Variants in KLF11 observed in about 807,000 individuals in gnomAD.
The protein encoded by KLF11 is KLF transcription factor 11.
KLF11 carries 26 observed loss-of-function variants against 29.9 expected under a neutral mutation model. The observed-to-expected ratio is 0.87, with a 90% CI of 0.64 to 1.21. The LOEUF is 1.21. Ranked by LOEUF, KLF11 falls within the 50% of genes most tolerant of loss-of-function variation. KLF11 has a pLI of 0.00. For missense variants in KLF11, 778 were observed against 665.7 expected, an observed-to-expected ratio of 1.17 and a Z score of -1.86; for synonymous variants, 318 against 257.4, an observed-to-expected ratio of 1.24 and a Z score of -2.25.
chr2:10,052,224 C>T lies in KLF11; in HGVS notation c.1259-3C>T, dbSNP rs201467470. ...CTTTAATATGTATTTTCTCACCTCA[C>T]AGGGGAGAAGCCTTTCAACTGCAGC... On this transcript the variant is annotated splice_region_variant and splice_polypyrimidine_tract_variant and intron_variant, in intron 3 of 3. Coordinates refer to ENST00000305883, the MANE Select transcript of KLF11 (RefSeq NM_003597.5). The T allele has an allele frequency of 3.1e-6, 5 of 1,613,790 alleles. No individual in the cohort carries two copies. Among genetic ancestry groups the T allele is most frequent in the South Asian group, 2.2e-5 (2 of 91,078 alleles).
chr2:10,043,942 G>C, intron 1 of KLF11, 184 bp downstream of exon 1: 2 of 992,582 alleles, frequency 2.0e-6, no homozygotes, highest in South Asian at 9.5e-5. Context: ...CGACGGGCGC[G>C]CCCGGGTCGG....
intron 1 of KLF11, 66 bp downstream of exon 1, chr2:10,043,824 G>C: frequency 7.7e-7 from 1 of 1,300,752 alleles, no homozygotes; most frequent in Non-Finnish European, 1.0e-6. Flanking sequence ...GGGAAGTGGT[G>C]CGGCACTCGC....
In KLF11 at chr2:10,045,795, C is replaced by T. The variant is rs148388504; in HGVS notation, c.43-355C>T. On this transcript the variant is annotated intron_variant, in intron 1 of 3. Coordinates refer to ENST00000305883, the MANE Select transcript of KLF11 (RefSeq NM_003597.5). Reference sequence around the variant, plus strand: ...TAGATGGCCTCAGTGTTGGCTCCTCCTCCCTGGGCAGCTGCTCCTCCTCCC... The same window carrying T: ...TAGATGGCCTCAGTGTTGGCTCCTCTTCCCTGGGCAGCTGCTCCTCCTCCC... Among the ~76,000 whole-genome samples, 1,064 of 152,376 alleles carry T rather than the reference C, an allele frequency of 7.0e-3. 2 individuals are homozygous for T. Among genetic ancestry groups the T allele is most frequent in the Non-Finnish European group, 0.011 (732 of 68,030 alleles).
At chr2:10,049,613 C>T (rs1259620960) in intron 3 of KLF11, among the ~76,000 whole-genome samples, 4 of 152,240 alleles carry the variant, frequency 2.6e-5, no homozygotes, top group Non-Finnish European at 5.9e-5. Context: ...TTCCACCCTT[C>T]CCTCTTGGCC....
At chr2:10,049,614 C>T (rs1000871285) in intron 3 of KLF11, among the ~76,000 whole-genome samples, 6 of 152,200 alleles carry the variant, frequency 3.9e-5, no homozygotes, top group African/African-American at 9.7e-5. Flanking sequence ...TCCACCCTTC[C>T]CTCTTGGCCC....
At chr2:10,045,485 T>G (rs1661164584) in intron 1 of KLF11, among the ~76,000 whole-genome samples, 1 of 151,544 alleles carries the variant, frequency 6.6e-6, no homozygotes, top group Non-Finnish European at 1.5e-5. Context: ...CAACTGAGAC[T>G]CCATCTCAAA....
In KLF11 at chr2:10,043,621, TGCCGCCGCC is replaced by T. The variant is rs372827624; in HGVS notation, c.-86_-78del. ...CGTGCCGGCCGCAGGAGCTCCGGGT[TGCCGCCGCC>T]GCCGCCGCCCGCAGCCCACGTGCGG... On this transcript the variant is annotated 5_prime_UTR_variant, in exon 1 of 4. Coordinates refer to ENST00000305883, the MANE Select transcript of KLF11 (RefSeq NM_003597.5). 5 of 867,586 alleles carry T rather than the reference TGCCGCCGCC, an allele frequency of 5.8e-6. No homozygotes were observed. Among genetic ancestry groups the T allele is most frequent in the Non-Finnish European group, 7.0e-6 (5 of 717,758 alleles). 53.7% of individuals were successfully genotyped at this position (867,586 alleles called of 1,614,324 possible). A position where few individuals can be genotyped will look rare whatever the true frequency, so the allele number is the denominator to read the frequency against.
chr2:10,051,150 C>G (rs1443629160), intron 3 of KLF11, among the ~76,000 whole-genome samples: 1 of 151,704 alleles, frequency 6.6e-6, no homozygotes, highest in African/African-American at 2.4e-5. Flanking sequence ...CCTCATGATC[C>G]GTCTGTCTCA....
chr2:10,053,218 C>T lies in KLF11; in HGVS notation c.*711C>T, dbSNP rs544013658. On this transcript the variant is annotated 3_prime_UTR_variant, in exon 4 of 4. Transcript: ENST00000305883. ...CTAGTGAGCTGTGTCCATGGTGTGT[C>T]ATGAAGGATGTACCCCAGAGAGTAA... 1.3e-5 allele frequency: 5 copies of T among 398,984 alleles called. No individual in the cohort carries two copies. In the South Asian group the frequency reaches 5.1e-4, roughly 41 times the overall value. The allele number at this position is 398,984 out of a possible 1,614,324, so 24.7% of individuals were successfully genotyped here. A position where few individuals can be genotyped will look rare whatever the true frequency, so the allele number is the denominator to read the frequency against.
At chr2:10,050,702 C>T (rs1443465139) in intron 3 of KLF11, among the ~76,000 whole-genome samples, 32 of 151,686 alleles carry the variant, frequency 2.1e-4, no homozygotes, top group African/African-American at 2.4e-5. Flanking sequence ...AGTGAGACTC[C>T]GTCTCAAAAA....
At chr2:10,049,213 G>A (rs1407400389) in intron 3 of KLF11, among the ~76,000 whole-genome samples, 1 of 152,186 alleles carries the variant, frequency 6.6e-6, no homozygotes, top group Non-Finnish European at 1.5e-5. Flanking sequence ...GTAGCCACTG[G>A]CTGCTCACAC....
intron 1 of KLF11, 51 bp from the exon 2 acceptor site, chr2:10,046,099 G>GC (rs1211621045): frequency 1.1e-5 from 17 of 1,610,882 alleles, no homozygotes; most frequent in African/African-American, 5.3e-5. Context: ...ATCATGGGTG[G>GC]CCTCTGTATT....
Position 10,048,215 on chromosome 2 carries a change from C to T in KLF11, c.878C>T (p.Thr293Ile), listed in dbSNP as rs775612932. 1 of 1,614,092 alleles carries T rather than the reference C, an allele frequency of 6.2e-7. No homozygotes were observed. The highest frequency in any genetic ancestry group is 8.5e-7 in the Non-Finnish European group (1 of 1,180,038). The change falls in exon 3 of 4, where the codon ACT becomes ATT. Residue 293 changes from threonine (T) to isoleucine (I), a missense_variant. Thr to Ile is a moderately conservative substitution (Grantham distance 89). Coordinates refer to ENST00000305883, the MANE Select transcript of KLF11 (RefSeq NM_003597.5). ...GTCCTTTGCCAGATGATCCCTGTGA[C>T]TGGACAAAGTAGCATGTTACCAGCT... ...PPVLCQMIPVTGQSSMLPAFL... is the reference protein window; with the variant it reads ...PPVLCQMIPVIGQSSMLPAFL...
chr2:10,052,721 TTGG>T lies in KLF11; in HGVS notation c.*216_*218del. On this transcript the variant is annotated 3_prime_UTR_variant, in exon 4 of 4. Coordinates refer to ENST00000305883, the MANE Select transcript of KLF11 (RefSeq NM_003597.5). The stretch of plus-strand genomic sequence containing the variant: ...TTGTAGTTTCAGAAGTTTTTTTGTT[TTGG>T]TTTTTTTTTTAAAGAAATGGTAGAA... 2 of 432,884 alleles carry T rather than the reference TTGG, an allele frequency of 4.6e-6. No homozygotes were observed. The highest frequency in any genetic ancestry group is 3.6e-5 in the East Asian group (1 of 27,774). The allele number at this position is 432,884 out of a possible 1,614,324, so 26.8% of individuals were successfully genotyped here.
At position 10,048,248 on chromosome 2, in the gene KLF11, A is replaced by G. The variant is rs769770922; in HGVS notation, c.911A>G (p.Lys304Arg). 4 of 1,612,106 alleles carry G rather than the reference A, an allele frequency of 2.5e-6. No homozygotes were observed. The highest frequency in any genetic ancestry group is 3.4e-6 in the Non-Finnish European group (4 of 1,178,680). ...GQSSMLPAFL[K>R]PPPQLSVGTV... ...AGTAGCATGTTACCAGCTTTTTTGA[A>G]GCCCCCTCCCCAGTTGTCTGTGGGG... The change falls in exon 3 of 4, where the codon AAG (lysine) becomes AGG (arginine). Residue 304 changes from lysine to arginine, a missense_variant. Lys to Arg is a conservative substitution (Grantham distance 26, BLOSUM62 2). Transcript: ENST00000305883.
chr2:10,046,312 A>G lies in KLF11; in HGVS notation c.205A>G (p.Ile69Val), dbSNP rs1440218281. The G allele has an allele frequency of 5.0e-6, 8 of 1,614,198 alleles. No individual in the cohort carries two copies. Among genetic ancestry groups the G allele is most frequent in the Non-Finnish European group, 6.8e-6 (8 of 1,180,036 alleles). ...QRSQKGDLLR[I>V]RPLTPVSDSG... ...ATCCCAGAAAGGTGACCTGTTGCGG[A>G]TAAGACCCCTCACGCCTGTCTCTGA... Residue 69 changes from isoleucine (I) to valine (V), a missense_variant, in exon 2 of 4, where the codon ATA becomes GTA. Coordinates refer to ENST00000305883, the MANE Select transcript of KLF11 (RefSeq NM_003597.5).
intron 3 of KLF11, among the ~76,000 whole-genome samples, chr2:10,048,908 C>CTTTTTTTTTTTT: frequency 8.2e-6 from 1 of 121,662 alleles, no homozygotes; most frequent in Non-Finnish European, 1.6e-5. Flanking sequence ...ACGTTTCATC[C>CTTTTTTTTTTTT]TTTTTTTTTT....
Position 10,053,581 on chromosome 2 carries a change from AT to A in KLF11, c.*1075del. On this transcript the variant is annotated 3_prime_UTR_variant, in exon 4 of 4. Coordinates refer to ENST00000305883, the MANE Select transcript of KLF11 (RefSeq NM_003597.5). ...AGATTCCGCTTCCTTTGTTTGCCAAATACTAGAAACACAAGGAAATGCAAGT... is the reference window on the plus strand; with the variant it reads ...AGATTCCGCTTCCTTTGTTTGCCAAAACTAGAAACACAAGGAAATGCAAGT... 1 of 397,400 alleles carries A rather than the reference AT, an allele frequency of 2.5e-6. No homozygotes were observed. Among genetic ancestry groups the A allele is most frequent in the Non-Finnish European group, 4.4e-6 (1 of 225,528 alleles). The allele number at this position is 397,400 out of a possible 1,614,324, so 24.6% of individuals were successfully genotyped here. A position where few individuals can be genotyped will look rare whatever the true frequency, so the allele number is the denominator to read the frequency against.
At chr2:10,046,693 A>G (rs945930508) in intron 2 of KLF11, among the ~76,000 whole-genome samples, 17 of 152,102 alleles carry the variant, frequency 1.1e-4, no homozygotes, top group African/African-American at 4.1e-4. Context: ...CATCTCTACT[A>G]AAAGTACAAA....
Sources: allele counts gnomAD v4.1 joint callset (sites outside exome capture counted in the v4.1 genomes callset), GRCh38; gene constraint gnomAD v4.1.1; transcripts MANE v1.5; gene names NCBI Gene and HGNC (gene_info 2026-07-23, HGNC 2026-07-21).